FYB1: variants seen among roughly 807,000 people sequenced by gnomAD.
FYB1 encodes the protein FYN binding protein 1, also known as FYN-binding protein 1.
In FYB1, 41 loss-of-function variants were observed where a neutral mutation model predicts 94.1. The observed-to-expected ratio is 0.44, with a 90% confidence interval of 0.34 to 0.57. The LOEUF is 0.57. FYB1 is among the 20% of genes least tolerant of loss of function. The pLI is 0.02. For synonymous variants in FYB1, 367 were observed against 353.2 expected, an observed-to-expected ratio of 1.04 and a Z score of -0.44; for missense variants, 1,050 against 976.8, an observed-to-expected ratio of 1.07 and a Z score of -1.00.
chr5:39,197,515 T>C (rs1747936910), intron 2 of FYB1, among the ~76,000 whole-genome samples: 1 of 152,238 alleles, frequency 6.6e-6, no homozygotes. Context: ...AAGTTGCCAA[T>C]CTAAGCAGCT....
At chr5:39,173,850 A>G (rs929908144) in intron 2 of FYB1, among the ~76,000 whole-genome samples, 2 of 152,144 alleles carry the variant, frequency 1.3e-5, no homozygotes, top group Non-Finnish European at 2.9e-5. Flanking sequence ...CTGTAACCTT[A>G]TAGTATAGTC....
chr5:39,256,375 G>A (rs2150623669), intron 1 of FYB1, among the ~76,000 whole-genome samples: 1 of 152,306 alleles, frequency 6.6e-6, no homozygotes, highest in East Asian at 1.9e-4. Context: ...CCGTGTGGAA[G>A]GGTAGAATAG....
At chr5:39,132,940 T>C (rs181147007) in intron 9 of FYB1, among the ~76,000 whole-genome samples, 1 of 152,326 alleles carries the variant, frequency 6.6e-6, no homozygotes, top group East Asian at 1.9e-4. Context: ...TAGGTCGATG[T>C]TTGACTAAAG....
chr5:39,254,487 A>C (rs1328744413), intron 1 of FYB1, among the ~76,000 whole-genome samples: 1 of 152,244 alleles, frequency 6.6e-6, no homozygotes, highest in Non-Finnish European at 1.5e-5. Flanking sequence ...TCTGAAATAA[A>C]ATTCTATTTT....
intron 1 of FYB1, among the ~76,000 whole-genome samples, chr5:39,228,207 G>T (rs1750567091): frequency 6.6e-6 from 1 of 152,158 alleles, no homozygotes; most frequent in African/African-American, 2.4e-5. Context: ...AACCTCAAAT[G>T]AAACACAGTG....
intron 2 of FYB1, among the ~76,000 whole-genome samples, chr5:39,197,030 A>T (rs1384268243): frequency 6.6e-6 from 1 of 152,210 alleles, no homozygotes; most frequent in East Asian, 1.9e-4. Context: ...TCTGGGGAAG[A>T]GGTTTAAAGA....
At chr5:39,205,319 T>A (rs1748746176) in intron 1 of FYB1, among the ~76,000 whole-genome samples, 2 of 152,164 alleles carry the variant, frequency 1.3e-5, no homozygotes, top group Admixed American at 1.3e-4. Flanking sequence ...ACAAAAGGCA[T>A]CAAAATTCTT....
At chr5:39,168,048 G>GA (rs529246508) in intron 2 of FYB1, among the ~76,000 whole-genome samples, 214 of 151,972 alleles carry the variant, frequency 1.4e-3, no homozygotes, top group African/African-American at 4.7e-3. Context: ...ATATTTTAGT[G>GA]AAAAAAAATT....
intron 1 of FYB1, among the ~76,000 whole-genome samples, chr5:39,230,348 C>T (rs1750665995): frequency 6.6e-6 from 1 of 152,114 alleles, no homozygotes; most frequent in Non-Finnish European, 1.5e-5. Flanking sequence ...CCGAGGAATG[C>T]AGGCAGCCTT....
At chr5:39,137,860 A>C in intron 6 of FYB1, 140 bp from the exon 7 acceptor site, 1 of 1,072,856 alleles carries the variant, frequency 9.3e-7, no homozygotes, top group Admixed American at 2.6e-5. Context: ...GGTTGTCAAA[A>C]TCCGGAATGT....
intron 1 of FYB1, among the ~76,000 whole-genome samples, chr5:39,234,773 T>G (rs1750887313): frequency 6.6e-6 from 1 of 152,010 alleles, no homozygotes; most frequent in Non-Finnish European, 1.5e-5. Context: ...ACCATCATTC[T>G]CAGCAAAGTA....
chr5:39,192,847 A>G (rs1193474788), intron 2 of FYB1, among the ~76,000 whole-genome samples: 1 of 152,254 alleles, frequency 6.6e-6, no homozygotes, highest in African/African-American at 2.4e-5. Context: ...TAAATGTGCC[A>G]AGGGAACTTT....
At chr5:39,153,404 G>C (rs769142997) in intron 3 of FYB1, 44 bp downstream of exon 3, 5 of 1,601,386 alleles carry the variant, frequency 3.1e-6, no homozygotes, top group Non-Finnish European at 4.3e-6. Context: ...GAAAATCTAC[G>C]GCAAGAGACT....
Position 39,107,449 on chromosome 5 carries a change from A to G in FYB1, c.2484T>C (p.Asn828=). 3.9e-6 allele frequency: 6 copies of G among 1,527,746 alleles called. No individual in the cohort carries two copies. The highest frequency in any genetic ancestry group is 5.3e-6 in the Non-Finnish European group (6 of 1,133,098). 94.6% of individuals were successfully genotyped at this position (1,527,746 alleles called of 1,614,324 possible). ...DDIADGCIYD[N]D ...GAATGACCAAAGTTGAGTGCTAGTC[A>G]TTGTCATAGATGCAGCCTGAAAGGA... The change falls in exon 19 of 19, where the codon AAT becomes AAC. Residue 828 remains asparagine (N), a synonymous_variant. Transcript: ENST00000512982.
chr5:39,177,298 A>G (rs1579569853), intron 2 of FYB1, among the ~76,000 whole-genome samples: 1 of 151,926 alleles, frequency 6.6e-6, no homozygotes. Flanking sequence ...CCTAGAGAGG[A>G]CTCTATTTCC....
chr5:39,170,271 C>A, intron 2 of FYB1: 1 of 1,329,102 alleles, frequency 7.5e-7, no homozygotes, highest in South Asian at 1.4e-5. Context: ...CTGTTGCAGC[C>A]CCTTGATCAA....
chr5:39,109,050 C>T (rs1380397737), intron 17 of FYB1, among the ~76,000 whole-genome samples: 1 of 151,972 alleles, frequency 6.6e-6, no homozygotes, highest in Non-Finnish European at 1.5e-5. Flanking sequence ...ATGAACATTG[C>T]CTTGAAATGT....
chr5:39,116,153 C>T (rs917305493), intron 16 of FYB1, among the ~76,000 whole-genome samples: 13 of 152,324 alleles, frequency 8.5e-5, no homozygotes, highest in Admixed American at 6.5e-4. Context: ...AAGACTTTAT[C>T]GGCTGCCTTC....
intron 2 of FYB1, among the ~76,000 whole-genome samples, chr5:39,185,774 T>TGA (rs1278765200): frequency 6.6e-5 from 10 of 151,588 alleles, no homozygotes; most frequent in Non-Finnish European, 1.5e-5. Flanking sequence ...AAAGAGAGCA[T>TGA]GAGAGAGAGC....
Sources: allele counts gnomAD v4.1 joint callset (sites outside exome capture counted in the v4.1 genomes callset), GRCh38; gene constraint gnomAD v4.1.1; transcripts MANE v1.5; gene names NCBI Gene and HGNC (gene_info 2026-07-23, HGNC 2026-07-21).